Variants in GRIK2 observed in about 807,000 individuals in gnomAD.
GRIK2 encodes glutamate receptor ionotropic, kainate 2.
In GRIK2, 32 loss-of-function variants were observed where a neutral mutation model predicts 100.3. That is an observed-to-expected ratio of 0.32 (90% CI 0.24 to 0.43). GRIK2 has a LOEUF of 0.43. Ranked by LOEUF, GRIK2 falls within the 20% of genes least tolerant of loss-of-function variation. GRIK2 has a pLI of 1.00. For missense variants in GRIK2, 843 were observed against 1,114.9 expected (o/e 0.76, Z 3.47); for synonymous variants, 417 against 389.4 (o/e 1.07, Z -0.83).
intron 2 of GRIK2, among the ~76,000 whole-genome samples, chr6:101,416,488 C>T (rs1776146702): frequency 1.3e-5 from 2 of 152,228 alleles, no homozygotes; most frequent in Middle Eastern, 3.4e-3. Flanking sequence ...AAGCAAATTC[C>T]AGGTGTCTCA....
chr6:101,451,701 G>GC (rs1464634557), intron 2 of GRIK2, among the ~76,000 whole-genome samples: 7 of 59,942 alleles, frequency 1.2e-4, no homozygotes, highest in African/African-American at 3.2e-4. Flanking sequence ...TCTGAGGGGG[G>GC]GGGGGGTGCC....
rs1239451913 is a variant in GRIK2 at position 101,424,121 on chromosome 6, A to C, written c.115+24729A>C. 2.0e-5 allele frequency among the ~76,000 whole-genome samples: 3 copies of C among 152,198 alleles called. No homozygotes were observed. In the East Asian group the frequency reaches 5.8e-4, roughly 29 times the overall value. On this transcript the variant is annotated intron_variant, in intron 2 of 16. Coordinates refer to ENST00000369134, the MANE Select transcript of GRIK2 (RefSeq NM_021956.5). Reference sequence around the variant, plus strand: ...TCAACTTGCAATAAAATTCATAACAAGTGCTATGAATCTTGCTCTATCCAA... The same window carrying C: ...TCAACTTGCAATAAAATTCATAACACGTGCTATGAATCTTGCTCTATCCAA...
At chr6:101,799,588 A>G in intron 7 of GRIK2, 60 bp from the exon 8 acceptor site, 1 of 1,385,010 alleles carries the variant, frequency 7.2e-7, no homozygotes, top group Admixed American at 1.7e-5. Flanking sequence ...CTTGCAAACC[A>G]TCTACCACAA....
At chr6:101,904,380 T>C (rs942593535) in intron 12 of GRIK2, among the ~76,000 whole-genome samples, 6 of 151,430 alleles carry the variant, frequency 4.0e-5, no homozygotes, top group African/African-American at 9.7e-5. Context: ...TTTAAAAAAA[T>C]TACTGAAACA....
chr6:102,002,429 GTATATACACATATATGTATATATAAT>G (rs765475529), intron 14 of GRIK2, among the ~76,000 whole-genome samples: 2 of 147,526 alleles, frequency 1.4e-5, no homozygotes, highest in East Asian at 2.0e-4. Context: ...TACATACACA[GTATATACACATATATGTATATATAAT>G]TATATACACA....
chr6:101,664,795 C>T (rs527841358), intron 4 of GRIK2, among the ~76,000 whole-genome samples: 4 of 152,132 alleles, frequency 2.6e-5, no homozygotes, highest in Admixed American at 1.3e-4. Flanking sequence ...GGAGGCCTCA[C>T]AATCATGGTA....
intron 14 of GRIK2, among the ~76,000 whole-genome samples, chr6:101,970,651 G>A (rs1274233515): frequency 6.6e-6 from 1 of 151,718 alleles, no homozygotes; most frequent in East Asian, 1.9e-4. Context: ...CACACTGGTG[G>A]GCATGTCTTA....
At chr6:101,582,024 TAGTG>T (rs1049177123) in intron 2 of GRIK2, among the ~76,000 whole-genome samples, 6 of 152,094 alleles carry the variant, frequency 3.9e-5, no homozygotes, top group Non-Finnish European at 5.9e-5. Context: ...GTCCTTGTGA[TAGTG>T]AGTTCTCATG....
At chr6:101,591,426 T>A (rs1055480089) in intron 2 of GRIK2, among the ~76,000 whole-genome samples, 3 of 151,988 alleles carry the variant, frequency 2.0e-5, no homozygotes, top group Admixed American at 6.6e-5. Flanking sequence ...AAGAGCCATC[T>A]CTAATCAACT....
intron 14 of GRIK2, among the ~76,000 whole-genome samples, chr6:101,973,523 T>G (rs9498774): frequency 0.016 from 2,478 of 152,048 alleles, 73 homozygotes; most frequent in African/African-American, 0.058. Context: ...AGTTTTTTGC[T>G]GCCTTTTCCT....
chr6:101,868,955 TACA>T (rs1785219152), intron 11 of GRIK2, among the ~76,000 whole-genome samples: 1 of 152,030 alleles, frequency 6.6e-6, no homozygotes, highest in East Asian at 1.9e-4. Flanking sequence ...CTTTAGATAG[TACA>T]ACAATAGAGA....
At chr6:102,033,039 T>G (rs9498810) in intron 14 of GRIK2, among the ~76,000 whole-genome samples, 22,269 of 151,140 alleles carry the variant, frequency 0.15, 1,792 homozygotes, top group Middle Eastern at 0.24. Context: ...TGCCACTAAG[T>G]AGCCATATAA....
intron 2 of GRIK2, among the ~76,000 whole-genome samples, chr6:101,460,882 A>C (rs1426998549): frequency 6.6e-6 from 1 of 152,166 alleles, no homozygotes; most frequent in African/African-American, 2.4e-5. Context: ...GTTTAATAAC[A>C]AATTGACTCC....
intron 10 of GRIK2, among the ~76,000 whole-genome samples, chr6:101,823,723 A>C (rs1332866102): frequency 6.6e-6 from 1 of 152,236 alleles, no homozygotes; most frequent in Middle Eastern, 3.4e-3. Flanking sequence ...CTAAACCTTC[A>C]GTTTGTAACC....
chr6:101,988,936 AAG>A (rs1244997944), intron 14 of GRIK2, among the ~76,000 whole-genome samples: 9 of 151,696 alleles, frequency 5.9e-5, no homozygotes, highest in African/African-American at 1.7e-4. Flanking sequence ...AGTCTCAATA[AAG>A]AGTGAAATTA....
intron 2 of GRIK2, among the ~76,000 whole-genome samples, chr6:101,455,870 A>G (rs1475838307): frequency 2.6e-5 from 4 of 152,136 alleles, no homozygotes; most frequent in Admixed American, 6.6e-5. Context: ...ATTGTACTAT[A>G]GTATCTCCGA....
At chr6:101,716,988 T>A in intron 7 of GRIK2, among the ~76,000 whole-genome samples, 1 of 151,836 alleles carries the variant, frequency 6.6e-6, no homozygotes, top group Non-Finnish European at 1.5e-5. Context: ...TGTTGATTGC[T>A]CTCTAATTAC....
intron 4 of GRIK2, among the ~76,000 whole-genome samples, chr6:101,673,075 A>G (rs9498664): frequency 0.61 from 92,842 of 151,988 alleles, 30,577 homozygotes; most frequent in Non-Finnish European, 0.75. Flanking sequence ...CTTTTTAATA[A>G]TAGTCATTCT....
intron 2 of GRIK2, among the ~76,000 whole-genome samples, chr6:101,611,211 C>A (rs1049127607): frequency 2.6e-5 from 4 of 151,746 alleles, no homozygotes; most frequent in Admixed American, 2.0e-4. Flanking sequence ...CATTTACATG[C>A]CAGAAAACAA....
Sources: gnomAD v4.1 joint callset for allele counts (sites outside exome capture counted in the v4.1 genomes callset) on GRCh38, gnomAD v4.1.1 for gene constraint, MANE v1.5 for transcripts, NCBI Gene and HGNC (gene_info 2026-07-23, HGNC 2026-07-21) for gene names.